The following ABCA3 variants were observed in gnomAD, a reference collection of about 807,000 sequenced individuals.
The protein encoded by ABCA3 is phospholipid-transporting ATPase ABCA3.
A neutral mutation model predicts 172.8 loss-of-function variants in ABCA3; 88 were observed. The ratio of observed to expected loss-of-function variants is 0.51; its 90% CI spans 0.43 to 0.61. ABCA3 has a LOEUF of 0.61. ABCA3 is among the 20% of genes least tolerant of loss of function. ABCA3 has a pLI of 0.00. For synonymous variants in ABCA3, 1,066 were observed against 983.8 expected (o/e 1.08, Z -1.56); for missense variants, 2,164 against 2,301.0 (o/e 0.94, Z 1.22).
rs547301623 is a variant in ABCA3 at position 2,324,443 on chromosome 16, C to T, written c.408G>A (p.Glu136=). The T allele has an allele frequency of 1.9e-6, 3 of 1,607,200 alleles. No individual in the cohort carries two copies. Among genetic ancestry groups the T allele is most frequent in the Non-Finnish European group, 8.5e-7 (1 of 1,179,310 alleles). Residue 136 remains glutamate, a synonymous_variant, in exon 6 of 33, where the codon GAG becomes GAA. Coordinates refer to ENST00000301732, the MANE Select transcript of ABCA3 (RefSeq NM_001089.3). The stretch of plus-strand genomic sequence containing the variant: ...GCTCCTTGCTGTGGTTGAAGGGGTG[C>T]TCGAAGACCACGGCGGCCAGCACGC... ...SSSVLAAVVF[E]HPFNHSKEPL... is the part of the protein sequence containing the mutation.
chr16:2,323,722 G>C lies in ABCA3; in HGVS notation c.448-34C>G, dbSNP rs377107171. 1.1e-5 allele frequency: 18 copies of C among 1,613,806 alleles called. No individual in the cohort carries two copies. The African/African-American group carries it at 2.3e-4, about 20-fold the overall frequency. On this transcript the variant is annotated intron_variant, in intron 6 of 32. Transcript: ENST00000301732. ...ACAAAGAGAAAACCAGCTGTTCCGA[G>C]AGATCCAGACAGAGGGGCAAACAAC...
chr16:2,298,614 C>G (rs1596844087), intron 14 of ABCA3, 74 bp from the exon 15 acceptor site: 10 of 1,560,034 alleles, frequency 6.4e-6, no homozygotes, highest in Non-Finnish European at 8.7e-6. Context: ...TGACCCCCCA[C>G]CCCCTCTCTG....
chr16:2,315,165 G>C (rs370695234), intron 10 of ABCA3, among the ~76,000 whole-genome samples: 2 of 151,380 alleles, frequency 1.3e-5, no homozygotes, highest in Non-Finnish European at 2.9e-5. Flanking sequence ...TTACAGGCGT[G>C]AGCCATGGTG....
chr16:2,276,440 G>C lies in ABCA3; in HGVS notation c.*234C>G, dbSNP rs1308905968. The C allele has an allele frequency of 3.9e-6, 3 of 773,636 alleles. No homozygotes were observed. The highest frequency in any genetic ancestry group is 3.1e-5 in the East Asian group (1 of 32,588). 47.9% of individuals were successfully genotyped at this position (773,636 alleles called of 1,614,324 possible). A position where few individuals can be genotyped will look rare whatever the true frequency, so the allele number is the denominator to read the frequency against. On this transcript the variant is annotated 3_prime_UTR_variant, in exon 33 of 33. Transcript: ENST00000301732. ...CCCGCAGACTGCCCGGCCTGCCCCAGCTCTGGGAAAGTGAACTCCAGAGTA... is the reference window on the plus strand; with the variant it reads ...CCCGCAGACTGCCCGGCCTGCCCCACCTCTGGGAAAGTGAACTCCAGAGTA...
At chr16:2,319,444 C>A in intron 8 of ABCA3, 137 bp downstream of exon 8, 2 of 1,216,116 alleles carry the variant, frequency 1.6e-6, no homozygotes, top group Non-Finnish European at 2.2e-6. Context: ...GAGATCGCAC[C>A]ACTGCACTCC....
In ABCA3 at chr16:2,321,956, T is replaced by G. The variant is rs571489518; in HGVS notation, c.613+1567A>C. ...GGCTCATGCCTGTAATCCCAGAACTTTGGGAAGCCGAGGTGGGTGAATCAT... is the reference window on the plus strand; with the variant it reads ...GGCTCATGCCTGTAATCCCAGAACTGTGGGAAGCCGAGGTGGGTGAATCAT... On this transcript the variant is annotated intron_variant, in intron 7 of 32. Transcript: ENST00000301732. 6.6e-5 allele frequency among the ~76,000 whole-genome samples: 10 copies of G among 152,190 alleles called. No homozygotes were observed. In the South Asian group the frequency reaches 2.1e-3, roughly 32 times the overall value.
chr16:2,320,985 C>CT (rs368507865), intron 7 of ABCA3, among the ~76,000 whole-genome samples: 115,163 of 136,146 alleles, frequency 0.85, 51,421 homozygotes, highest in East Asian at 0.99. Flanking sequence ...CTGCTATGTG[C>CT]TTTTTTTTTT....
In ABCA3 at chr16:2,285,390, C is replaced by T. The variant is rs753848196; in HGVS notation, c.3483+52G>A. On this transcript the variant is annotated intron_variant, in intron 23 of 32. Coordinates refer to ENST00000301732, the MANE Select transcript of ABCA3 (RefSeq NM_001089.3). The surrounding 1 kb of genome is among the most constrained non-coding windows in gnomAD (Gnocchi z 4.7). ...CCGGTTCTGCACAGGGGTCCCAGGG[C>T]AAGCCCTCTGCGGTCTGCAGGGGAA... The T allele has an allele frequency of 6.4e-7, 1 of 1,558,068 alleles. No homozygotes were observed. The highest frequency in any genetic ancestry group is 8.7e-7 in the Non-Finnish European group (1 of 1,151,304).
intron 7 of ABCA3, among the ~76,000 whole-genome samples, chr16:2,322,322 C>G (rs921912364): frequency 6.6e-6 from 1 of 151,670 alleles, no homozygotes; most frequent in Non-Finnish European, 1.5e-5. Flanking sequence ...ACCAGTTATA[C>G]TGGATGTTTT....
intron 1 of ABCA3, among the ~76,000 whole-genome samples, chr16:2,340,285 G>C (rs906206688): frequency 6.6e-6 from 1 of 152,018 alleles, no homozygotes; most frequent in Non-Finnish European, 1.5e-5. Context: ...CGCGCGGCGC[G>C]GGCTCAGGCA....
intron 7 of ABCA3, among the ~76,000 whole-genome samples, chr16:2,322,496 A>G (rs1430647995): frequency 6.6e-6 from 1 of 150,650 alleles, no homozygotes; most frequent in Admixed American, 6.6e-5. Context: ...GTCATTTAAC[A>G]TTAGGTATAT....
chr16:2,313,845 A>G (rs2141725298), intron 10 of ABCA3, among the ~76,000 whole-genome samples: 1 of 151,702 alleles, frequency 6.6e-6, no homozygotes, highest in Non-Finnish European at 1.5e-5. Context: ...CAGTGAGCCA[A>G]TTGTGCCACT....
intron 1 of ABCA3, among the ~76,000 whole-genome samples, chr16:2,334,115 T>C (rs1010197100): frequency 6.6e-6 from 1 of 152,098 alleles, no homozygotes; most frequent in African/African-American, 2.4e-5. Flanking sequence ...TAATTGCGTG[T>C]GTGAGACAGC....
rs996014471 is a variant in ABCA3 at position 2,279,302 on chromosome 16, A to G, written c.4360-172T>C. Among the ~76,000 whole-genome samples, 1 of 152,222 alleles carries G rather than the reference A, an allele frequency of 6.6e-6. No homozygotes were observed. Among genetic ancestry groups the G allele is most frequent in the East Asian group, 1.9e-4 (1 of 5,194 alleles). ...TGCACAGGCCGTGGTGGCTGCCCAC[A>G]GTGGAAGCTCTTGGAACAGGGACAC... On this transcript the variant is annotated intron_variant, in intron 28 of 32. Coordinates refer to ENST00000301732, the MANE Select transcript of ABCA3 (RefSeq NM_001089.3). This position sits in a 1 kb window ranked among gnomAD's most constrained non-coding sequence, Gnocchi z 4.4.
intron 10 of ABCA3, among the ~76,000 whole-genome samples, chr16:2,315,649 G>A (rs1258513349): frequency 6.6e-6 from 1 of 151,920 alleles, no homozygotes. Flanking sequence ...ATGTCACATA[G>A]GAAGTAACTG....
At chr16:2,301,490 T>A (rs527262139) in intron 12 of ABCA3, among the ~76,000 whole-genome samples, 1 of 151,998 alleles carries the variant, frequency 6.6e-6, no homozygotes, top group African/African-American at 2.4e-5. Flanking sequence ...GTGGATCACC[T>A]GAGGTCAGGA....
chr16:2,323,509 A>G lies in ABCA3; in HGVS notation c.613+14T>C, dbSNP rs2093729306. Reference sequence around the variant, plus strand: ...GCCCGGGCTGGTAACACGAACCCTAACCGAGCTTCTCACCAGGTTCTCCGC... The same window carrying G: ...GCCCGGGCTGGTAACACGAACCCTAGCCGAGCTTCTCACCAGGTTCTCCGC... On this transcript the variant is annotated intron_variant, in intron 7 of 32. Coordinates refer to ENST00000301732, the MANE Select transcript of ABCA3 (RefSeq NM_001089.3). 3 of 1,613,854 alleles carry G rather than the reference A, an allele frequency of 1.9e-6. No homozygotes were observed. In the Admixed American group the frequency reaches 5.0e-5, roughly 27 times the overall value.
chr16:2,321,114 T>C (rs987608713), intron 7 of ABCA3, among the ~76,000 whole-genome samples: 1 of 152,038 alleles, frequency 6.6e-6, no homozygotes, highest in African/African-American at 2.4e-5. Flanking sequence ...GCTTAGGGAA[T>C]TGTTCCCCAA....
chr16:2,291,120 G>A (rs1294273312), intron 19 of ABCA3, among the ~76,000 whole-genome samples: 1 of 152,150 alleles, frequency 6.6e-6, no homozygotes, highest in Non-Finnish European at 1.5e-5. Flanking sequence ...TGGGTCACCT[G>A]AGGTCAGGAG....
Sources: gnomAD v4.1 joint callset for allele counts (sites outside exome capture counted in the v4.1 genomes callset) on GRCh38, gnomAD v4.1.1 for gene constraint, Gnocchi (gnomAD v3.1) non-coding constraint, MANE v1.5 for transcripts, NCBI Gene and HGNC (gene_info 2026-07-23, HGNC 2026-07-21) for gene names.